INTS12: variants seen among roughly 807,000 people sequenced by gnomAD.
The protein encoded by INTS12 is integrator complex subunit 12, also known as PHD finger protein 22.
INTS12 carries 13 observed loss-of-function variants against 41.6 expected under a neutral mutation model. That is an observed-to-expected ratio of 0.31 (90% CI 0.20 to 0.50). INTS12 has a LOEUF of 0.50. Ranked by LOEUF, INTS12 falls within the 20% of genes least tolerant of loss-of-function variation. INTS12 has a pLI of 0.98. For synonymous variants in INTS12, 199 were observed against 191.4 expected, an observed-to-expected ratio of 1.04 and a Z score of -0.33; for missense variants, 432 against 541.6, an observed-to-expected ratio of 0.80 and a Z score of 2.01.
intron 2 of INTS12, among the ~76,000 whole-genome samples, chr4:105,700,706 A>AACACACACACACACACACACACAC (rs767514862): frequency 1.6e-3 from 222 of 134,776 alleles, no homozygotes; most frequent in Middle Eastern, 3.7e-3. Context: ...ATCTACTTAA[A>AACACACACACACACACACACACAC]ACACACACAC....
intron 3 of INTS12, among the ~76,000 whole-genome samples, chr4:105,698,523 T>G (rs1264585058): frequency 6.6e-6 from 1 of 151,830 alleles, no homozygotes; most frequent in South Asian, 2.1e-4. Context: ...CTTTAAGAGA[T>G]AAACTTCCAT....
At chr4:105,702,221 C>T (rs1199553058) in intron 2 of INTS12, among the ~76,000 whole-genome samples, 3 of 148,998 alleles carry the variant, frequency 2.0e-5, no homozygotes, top group Non-Finnish European at 3.0e-5. Flanking sequence ...TGGCAAGCTC[C>T]GCCTCACGGG....
intron 3 of INTS12, among the ~76,000 whole-genome samples, chr4:105,696,926 T>C (rs1731888108): frequency 6.6e-6 from 1 of 152,214 alleles, no homozygotes. Flanking sequence ...TTAGATTTAA[T>C]TTAAATTTCC....
chr4:105,697,465 G>A (rs1165657946), intron 3 of INTS12, among the ~76,000 whole-genome samples: 2 of 152,216 alleles, frequency 1.3e-5, no homozygotes, highest in South Asian at 2.1e-4. Context: ...AGATCTAGTG[G>A]TGGCAGGGCT....
At chr4:105,693,914 C>T (rs1057222605) in intron 4 of INTS12, among the ~76,000 whole-genome samples, 2 of 152,108 alleles carry the variant, frequency 1.3e-5, no homozygotes, top group South Asian at 2.1e-4. Flanking sequence ...TCTGATAAGA[C>T]ATGGAATTTG....
At chr4:105,687,008 G>A in intron 6 of INTS12, 170 bp from the exon 7 acceptor site, 1 of 610,988 alleles carries the variant, frequency 1.6e-6, no homozygotes, top group Non-Finnish European at 2.8e-6. Context: ...TCATATTAAT[G>A]GTCTTACAGA....
At chr4:105,692,483 C>CAA (rs571586438) in intron 5 of INTS12, among the ~76,000 whole-genome samples, 158 of 47,790 alleles carry the variant, frequency 3.3e-3, no homozygotes, top group Admixed American at 4.3e-3. Context: ...GACTCTGTCT[C>CAA]AAAAAAAAAA....
chr4:105,684,190 C>T (rs1198347788), intron 7 of INTS12, among the ~76,000 whole-genome samples: 1 of 152,112 alleles, frequency 6.6e-6, no homozygotes, highest in Non-Finnish European at 1.5e-5. Flanking sequence ...ACCAATGCCA[C>T]TATATAAATA....
chr4:105,694,442 C>A (rs1731790429), intron 4 of INTS12, among the ~76,000 whole-genome samples: 1 of 152,126 alleles, frequency 6.6e-6, no homozygotes, highest in South Asian at 2.1e-4. Context: ...TCTCACGTCT[C>A]AGCCTCCTGA....
Position 105,695,556 on chromosome 4 carries a change from T to C in INTS12, c.269A>G (p.Glu90Gly), listed in dbSNP as rs1163439810. 2.5e-6 allele frequency: 4 copies of C among 1,612,200 alleles called. No homozygotes were observed. In the South Asian group the frequency reaches 4.4e-5, roughly 18 times the overall value. Residue 90 changes from glutamate (E) to glycine (G), a missense_variant, in exon 4 of 8, where the codon GAA (glutamate) becomes GGA (glycine). Glu to Gly is a moderately conservative substitution (Grantham distance 98). Transcript: ENST00000340139. The part of the protein sequence containing the change: ...GNNNGKVLTT[E>G]KVKKEAEKRP... Reference sequence around the variant, plus strand: ...CTTTTCAGCTTCCTTCTTTACCTTTTCAGTTGTGAGGACCTTGCCATTATT... The same window carrying C: ...CTTTTCAGCTTCCTTCTTTACCTTTCCAGTTGTGAGGACCTTGCCATTATT...
Position 105,683,264 on chromosome 4 carries a change from T to C in INTS12, c.858A>G (p.Val286=). 1 of 1,613,940 alleles carries C rather than the reference T, an allele frequency of 6.2e-7. No individual in the cohort carries two copies. Among genetic ancestry groups the C allele is most frequent in the Non-Finnish European group, 8.5e-7 (1 of 1,179,926 alleles). Reference sequence around the variant, plus strand: ...CTGCCCATCCAGTTAAGCCACTAGTTACTGACGAGGAAACGCTGGCACTAG... The same window carrying C: ...CTGCCCATCCAGTTAAGCCACTAGTCACTGACGAGGAAACGCTGGCACTAG... ...NSSSASVSSS[V]TSGLTGWAAF... The change falls in exon 8 of 8, where the codon GTA becomes GTG. Residue 286 remains valine, a synonymous_variant. Transcript: ENST00000340139.
intron 2 of INTS12, among the ~76,000 whole-genome samples, chr4:105,702,447 A>G (rs1466228798): frequency 6.6e-6 from 1 of 151,834 alleles, no homozygotes; most frequent in Admixed American, 6.6e-5. Context: ...ATTTATTTCT[A>G]TTTCTATTTA....
chr4:105,692,728 T>C (rs939490496), intron 5 of INTS12, among the ~76,000 whole-genome samples: 16 of 152,184 alleles, frequency 1.1e-4, no homozygotes, highest in Non-Finnish European at 1.5e-5. Flanking sequence ...CAGAAGGTAG[T>C]AGACTCTGAT....
intron 1 of INTS12, chr4:105,708,436 C>A: frequency 1.0e-6 from 1 of 985,454 alleles, no homozygotes; most frequent in African/African-American, 1.7e-5. Flanking sequence ...CATGTCCCGG[C>A]CCGCAACTCC....
intron 2 of INTS12, among the ~76,000 whole-genome samples, chr4:105,700,685 GATA>G (rs905469000): frequency 7.3e-6 from 1 of 136,582 alleles, no homozygotes; most frequent in East Asian, 2.0e-4. Context: ...GTCTCTGAGG[GATA>G]ATATCATATC....
intron 1 of INTS12, chr4:105,707,978 CAG>C: frequency 4.1e-6 from 4 of 985,414 alleles, no homozygotes; most frequent in Non-Finnish European, 4.8e-6. Context: ...ATGAAGGAAA[CAG>C]AAACTGTTCA....
chr4:105,706,935 CCA>C lies in INTS12; in HGVS notation c.-172+1701_-172+1702del, dbSNP rs1302313233. Among the ~76,000 whole-genome samples, 3 of 151,934 alleles carry C rather than the reference CCA, an allele frequency of 2.0e-5. No homozygotes were observed. In the East Asian group the frequency reaches 5.8e-4, roughly 29 times the overall value. The stretch of plus-strand genomic sequence containing the variant: ...GTTGCCATATGAATTTTCCTGAAAC[CCA>C]GTTTTCTTCTTTTTCATTAAAATAA... On this transcript the variant is annotated intron_variant, in intron 1 of 7. Coordinates refer to ENST00000340139, the MANE Select transcript of INTS12 (RefSeq NM_020395.4).
intron 3 of INTS12, among the ~76,000 whole-genome samples, chr4:105,696,557 G>A (rs930082547): frequency 6.6e-6 from 1 of 152,016 alleles, no homozygotes; most frequent in Non-Finnish European, 1.5e-5. Flanking sequence ...TTTTATTGCT[G>A]AATAATATTC....
intron 4 of INTS12, among the ~76,000 whole-genome samples, chr4:105,694,411 C>T (rs1468193792): frequency 1.3e-5 from 2 of 151,796 alleles, no homozygotes; most frequent in African/African-American, 4.8e-5. Flanking sequence ...CTGTAACCTC[C>T]GCCTGCTGGG....
Sources: allele counts gnomAD v4.1 joint callset (sites outside exome capture counted in the v4.1 genomes callset), GRCh38; gene constraint gnomAD v4.1.1; transcripts MANE v1.5; gene names NCBI Gene and HGNC (gene_info 2026-07-23, HGNC 2026-07-21).